Variants in CPXM2 observed in about 807,000 individuals in gnomAD.
CPXM2 encodes the protein carboxypeptidase X, M14 family member 2.
A neutral mutation model predicts 86.1 loss-of-function variants in CPXM2; 66 were observed. The observed-to-expected ratio is 0.77, with a 90% confidence interval of 0.63 to 0.94. The LOEUF (loss-of-function observed/expected upper bound fraction) is 0.94, where lower values mean the gene tolerates loss of function less well. Among genes scored for constraint, CPXM2 ranks in the 40% least tolerant of loss-of-function variants. The pLI, the probability that CPXM2 is intolerant of heterozygous loss-of-function variation, is 0.00. For synonymous variants in CPXM2, 388 were observed against 400.2 expected (o/e 0.97, Z 0.36); for missense variants, 948 against 1,026.3 (o/e 0.92, Z 1.04).
chr10:123,853,742 T>C (rs928739449), intron 3 of CPXM2, among the ~76,000 whole-genome samples: 2 of 152,046 alleles, frequency 1.3e-5, no homozygotes, highest in African/African-American at 4.8e-5. Context: ...CTGTCTCTAC[T>C]AAACATACAA....
intron 8 of CPXM2, among the ~76,000 whole-genome samples, chr10:123,770,309 A>C (rs1846597923): frequency 6.6e-6 from 1 of 152,138 alleles, no homozygotes; most frequent in South Asian, 2.1e-4. Flanking sequence ...AAACAAAACA[A>C]ACAAAAAAAA....
In CPXM2 at chr10:123,842,490, TAGAA is replaced by T. The variant is rs752574265; in HGVS notation, c.514-6_514-3del. The T allele has an allele frequency of 6.2e-7, 1 of 1,613,232 alleles. No individual in the cohort carries two copies. Among genetic ancestry groups the T allele is most frequent in the Non-Finnish European group, 8.5e-7 (1 of 1,179,274 alleles). On this transcript the variant is annotated splice_polypyrimidine_tract_variant and splice_region_variant and intron_variant, in intron 3 of 13. Coordinates refer to ENST00000241305, the MANE Select transcript of CPXM2 (RefSeq NM_198148.3). ...AAAATCATTTTCATTAATGCCCGCC[TAGAA>T]AGAAAGAAAGCGGTGTTCTTCAAAA...
chr10:123,752,210 T>G, intron 13 of CPXM2: 5 of 985,394 alleles, frequency 5.1e-6, no homozygotes, highest in Non-Finnish European at 6.0e-6. Flanking sequence ...ATTCCAGCTA[T>G]GCAATCTACA....
intron 10 of CPXM2, among the ~76,000 whole-genome samples, chr10:123,763,047 ATTTAT>A (rs1846382713): frequency 6.6e-6 from 1 of 151,940 alleles, no homozygotes; most frequent in Admixed American, 6.5e-5. Flanking sequence ...CTCTGGTTTT[ATTTAT>A]TTATTTCACA....
At chr10:123,818,140 C>T (rs546869808) in intron 4 of CPXM2, among the ~76,000 whole-genome samples, 1 of 152,270 alleles carries the variant, frequency 6.6e-6, no homozygotes, top group East Asian at 1.9e-4. Context: ...GAGTGTTCAC[C>T]AACAGGTGAC....
chr10:123,823,922 T>C lies in CPXM2; in HGVS notation c.653+18427A>G, dbSNP rs146931513. Reference sequence around the variant, plus strand: ...AGTATGAGACATGGGCCACCATGTTTTATTAAAAGTAGCATTATTTGGCCT... The same window carrying C: ...AGTATGAGACATGGGCCACCATGTTCTATTAAAAGTAGCATTATTTGGCCT... On this transcript the variant is annotated intron_variant, in intron 4 of 13. Coordinates refer to ENST00000241305, the MANE Select transcript of CPXM2 (RefSeq NM_198148.3). 1.9e-3 allele frequency among the ~76,000 whole-genome samples: 292 copies of C among 152,300 alleles called. 7 individuals are homozygous for C. The East Asian group carries it at 0.045, about 24-fold the overall frequency.
chr10:123,913,777 C>A (rs1564821246), intron 2 of CPXM2: 3 of 280,556 alleles, frequency 1.1e-5, no homozygotes, highest in East Asian at 2.0e-4. Context: ...ACCAGCAGCT[C>A]CAGGTCCGCA....
At chr10:123,876,228 G>C (rs1944985072) in intron 2 of CPXM2, among the ~76,000 whole-genome samples, 2 of 152,100 alleles carry the variant, frequency 1.3e-5, no homozygotes, top group Admixed American at 6.5e-5. Context: ...AGCATATGTA[G>C]AGCACCTGTT....
chr10:123,877,908 C>G, intron 2 of CPXM2, among the ~76,000 whole-genome samples: 1 of 152,222 alleles, frequency 6.6e-6, no homozygotes, highest in African/African-American at 2.4e-5. Context: ...TTAACCCCAT[C>G]CACTCTCATA....
intron 2 of CPXM2, among the ~76,000 whole-genome samples, chr10:123,930,066 CT>C (rs1364572498): frequency 2.0e-5 from 3 of 152,318 alleles, no homozygotes; most frequent in Non-Finnish European, 4.4e-5. Flanking sequence ...CCCTCCACCC[CT>C]GTCTTCCACG....
At chr10:123,806,049 C>A (rs1394596633) in intron 4 of CPXM2, among the ~76,000 whole-genome samples, 2 of 152,006 alleles carry the variant, frequency 1.3e-5, no homozygotes, top group African/African-American at 4.8e-5. Flanking sequence ...GATTATAAAC[C>A]TACTCATTTA....
chr10:123,902,337 C>T (rs548066656), intron 2 of CPXM2, among the ~76,000 whole-genome samples: 1 of 152,234 alleles, frequency 6.6e-6, no homozygotes, highest in Admixed American at 6.5e-5. Context: ...ACCAACTTAG[C>T]CTTAGTTTAC....
At chr10:123,909,037 G>A (rs954961638) in intron 2 of CPXM2, among the ~76,000 whole-genome samples, 1 of 152,192 alleles carries the variant, frequency 6.6e-6, no homozygotes, top group Non-Finnish European at 1.5e-5. Context: ...ATAACCTAAT[G>A]CATTGACTTG....
At chr10:123,838,686 G>A (rs1431351561) in intron 4 of CPXM2, among the ~76,000 whole-genome samples, 4 of 152,062 alleles carry the variant, frequency 2.6e-5, no homozygotes, top group Non-Finnish European at 5.9e-5. Flanking sequence ...TGAGACTAGG[G>A]TACGCTCTGC....
At chr10:123,828,235 G>A (rs533905488) in intron 4 of CPXM2, among the ~76,000 whole-genome samples, 5 of 152,230 alleles carry the variant, frequency 3.3e-5, no homozygotes, top group South Asian at 4.1e-4. Flanking sequence ...ATGTCCAACC[G>A]ATTGTTTACA....
intron 4 of CPXM2, among the ~76,000 whole-genome samples, chr10:123,820,335 A>G (rs907206082): frequency 6.6e-6 from 1 of 152,180 alleles, no homozygotes; most frequent in South Asian, 2.1e-4. Context: ...AGAGAAGCTC[A>G]TAGAAGAGAC....
upstream of CPXM2, among the ~76,000 whole-genome samples, chr10:123,892,245 A>AACTGAGGT (rs1417043299): frequency 6.6e-6 from 1 of 152,108 alleles, no homozygotes; most frequent in Non-Finnish European, 1.5e-5. Flanking sequence ...CTGTTTCAGG[A>AACTGAGGT]ACTGGGAATG....
chr10:123,930,953 T>C (rs1358962783), intron 2 of CPXM2, among the ~76,000 whole-genome samples: 1 of 152,240 alleles, frequency 6.6e-6, no homozygotes, highest in African/African-American at 2.4e-5. Context: ...CCGGGGAAAC[T>C]TACCCACACT....
chr10:123,847,162 AT>A (rs1166712940), intron 3 of CPXM2, among the ~76,000 whole-genome samples: 1 of 152,210 alleles, frequency 6.6e-6, no homozygotes, highest in Non-Finnish European at 1.5e-5. Context: ...ATCTTCCAGA[AT>A]AGGGATCTAA....
Sources: allele counts gnomAD v4.1 joint callset (sites outside exome capture counted in the v4.1 genomes callset), GRCh38; gene constraint gnomAD v4.1.1; transcripts MANE v1.5; gene names NCBI Gene and HGNC (gene_info 2026-07-23, HGNC 2026-07-21).